NUSAP1: variants seen among roughly 807,000 people sequenced by gnomAD.
The protein encoded by NUSAP1 is nucleolar and spindle associated protein 1, also known as nucleolar and spindle-associated protein 1.
NUSAP1 carries 32 observed loss-of-function variants against 52.8 expected under a neutral mutation model. The ratio of observed to expected loss-of-function variants is 0.61; its 90% confidence interval spans 0.46 to 0.81. The LOEUF is 0.81. NUSAP1 is among the 40% of genes least tolerant of loss of function. NUSAP1 has a pLI of 0.00. For synonymous variants in NUSAP1, 195 were observed against 183.1 expected (o/e 1.06, Z -0.52); for missense variants, 499 against 522.3 (o/e 0.96, Z 0.43).
intron 1 of NUSAP1, among the ~76,000 whole-genome samples, chr15:41,336,102 A>G (rs540905204): frequency 6.6e-6 from 1 of 151,052 alleles, no homozygotes; most frequent in East Asian, 1.9e-4. Flanking sequence ...TATACTAAAA[A>G]TACAAAATTT....
At chr15:41,359,699 T>G (rs554208604) in intron 6 of NUSAP1, among the ~76,000 whole-genome samples, 25 of 151,958 alleles carry the variant, frequency 1.6e-4, no homozygotes, top group African/African-American at 6.0e-4. Flanking sequence ...TGGTACAGTC[T>G]CAGCTCACTG....
At position 41,356,062 on chromosome 15, in the gene NUSAP1, T is replaced by A; in HGVS notation, c.472T>A (p.Ser158Thr). The A allele has an allele frequency of 1.2e-6, 2 of 1,605,580 alleles. No homozygotes were observed. The highest frequency in any genetic ancestry group is 1.7e-6 in the Non-Finnish European group (2 of 1,174,536). ...SSGNRDSKVP[S>T]EGKKSLYTDE... The stretch of plus-strand genomic sequence containing the variant: ...AGGTAACAGAGATTCAAAGGTACCT[T>A]CAGAAGGAAAGAAATCTCTCTACAC... Residue 158 changes from serine to threonine, a missense_variant, in exon 5 of 11, where the codon TCA (serine) becomes ACA (threonine). Physicochemically the swap from Ser to Thr is moderately conservative, Grantham distance 58. Transcript: ENST00000559596.
chr15:41,357,634 G>A (rs2049021672), intron 5 of NUSAP1, among the ~76,000 whole-genome samples: 1 of 151,854 alleles, frequency 6.6e-6, no homozygotes. Flanking sequence ...AGTAGAGATG[G>A]GGTTTCTCCA....
chr15:41,357,965 A>T (rs573321116), intron 5 of NUSAP1, among the ~76,000 whole-genome samples, 184 bp from the exon 6 acceptor site: 2 of 152,304 alleles, frequency 1.3e-5, no homozygotes, highest in South Asian at 4.1e-4. Flanking sequence ...AGTTTATAAG[A>T]TGAATGTGCT....
At position 41,356,075 on chromosome 15, in the gene NUSAP1, A is replaced by C; in HGVS notation, c.485A>C (p.Lys162Thr). The part of the protein sequence containing the change: ...RDSKVPSEGK[K>T]SLYTDESSKP... ...TCAAAGGTACCTTCAGAAGGAAAGA[A>C]ATCTCTCTACACAGATGAGTCATCC... Residue 162 changes from lysine (K) to threonine (T), a missense_variant, in exon 5 of 11, where the codon AAA (lysine) becomes ACA (threonine). Coordinates refer to ENST00000559596, the MANE Select transcript of NUSAP1 (RefSeq NM_016359.5). 1 of 1,608,140 alleles carries C rather than the reference A, an allele frequency of 6.2e-7. No homozygotes were observed. The highest frequency in any genetic ancestry group is 8.5e-7 in the Non-Finnish European group (1 of 1,176,592).
At chr15:41,373,852 G>A (rs1345549322) in intron 8 of NUSAP1, among the ~76,000 whole-genome samples, 2 of 152,024 alleles carry the variant, frequency 1.3e-5, no homozygotes, top group Non-Finnish European at 2.9e-5. Flanking sequence ...ACAGGTGTGA[G>A]CCATATCTGT....
chr15:41,361,701 C>T (rs138293147), intron 6 of NUSAP1, among the ~76,000 whole-genome samples: 45 of 152,236 alleles, frequency 3.0e-4, no homozygotes, highest in South Asian at 1.2e-3. Context: ...GTTGAATAAA[C>T]GAATAGTTTA....
chr15:41,375,833 G>C lies in NUSAP1; in HGVS notation c.1123+5G>C, dbSNP rs770502812. 1.3e-5 allele frequency: 20 copies of C among 1,587,264 alleles called. No homozygotes were observed. The Admixed American group carries it at 2.7e-4, about 21-fold the overall frequency. On this transcript the variant is annotated splice_donor_5th_base_variant and intron_variant, in intron 9 of 10. Transcript: ENST00000559596. ...TCAACTATGAACCACACAAAGGTAT[G>C]TGGGAGTGTTTTGAGCTACAGGGCC...
chr15:41,339,499 C>T (rs1383485733), intron 1 of NUSAP1, among the ~76,000 whole-genome samples: 2 of 151,912 alleles, frequency 1.3e-5, no homozygotes, highest in Non-Finnish European at 2.9e-5. Context: ...CAACCTCCAC[C>T]TCCTGGATTC....
chr15:41,365,510 G>C lies in NUSAP1; in HGVS notation c.769G>C (p.Gly257Arg). 6.2e-7 allele frequency: 1 copy of C among 1,612,740 alleles called. No individual in the cohort carries two copies. The highest frequency in any genetic ancestry group is 8.5e-7 in the Non-Finnish European group (1 of 1,179,438). Residue 257 changes from glycine (G) to arginine (R), a missense_variant, in exon 7 of 11, where the codon GGC becomes CGC. By Grantham distance (125) the Gly-to-Arg change is moderately radical (BLOSUM62 -2). Coordinates refer to ENST00000559596, the MANE Select transcript of NUSAP1 (RefSeq NM_016359.5). ...SQRRSQGRSCGPASQSTLGLK... is the reference protein window; with the variant it reads ...SQRRSQGRSCRPASQSTLGLK... The stretch of plus-strand genomic sequence containing the variant: ...ACGACGCTCGCAAGGCCGGTCTTGT[G>C]GCCCTGCAAGTCAGAGTACCTTGGG...
intron 1 of NUSAP1, among the ~76,000 whole-genome samples, chr15:41,334,496 T>G (rs1226215073): frequency 6.6e-6 from 1 of 152,226 alleles, no homozygotes. Context: ...GGGATATTTC[T>G]GGGCTGTAGT....
At chr15:41,380,072 T>C (rs377569767) in intron 10 of NUSAP1, 21 bp from the exon 11 acceptor site, 1 of 1,545,850 alleles carries the variant, frequency 6.5e-7, no homozygotes, top group South Asian at 1.2e-5. Context: ...TAGAGCTTAA[T>C]GTGTGACCTA....
Position 41,362,119 on chromosome 15 carries a change from G to GT in NUSAP1, c.661-3282dup, listed in dbSNP as rs749836721. 1.1e-3 allele frequency among the ~76,000 whole-genome samples: 173 copies of GT among 152,236 alleles called. 1 individual carries two copies. The highest frequency in any genetic ancestry group is 1.5e-3 in the Non-Finnish European group (104 of 68,032). Reference sequence around the variant, plus strand: ...TATCCCACCTACTTGGGAGGCTGAGGTGGGAGGGTTGCTTGAGCCCAGGAG... The same window carrying GT: ...TATCCCACCTACTTGGGAGGCTGAGGTTGGGAGGGTTGCTTGAGCCCAGGAG... On this transcript the variant is annotated intron_variant, in intron 6 of 10. Coordinates refer to ENST00000559596, the MANE Select transcript of NUSAP1 (RefSeq NM_016359.5).
intron 3 of NUSAP1, chr15:41,349,542 T>C (rs1190186093): frequency 4.1e-6 from 1 of 245,102 alleles, no homozygotes; most frequent in African/African-American, 2.2e-5. Flanking sequence ...GAAACAAGCA[T>C]TAAATGTGTT....
At chr15:41,374,413 T>C (rs544796488) in intron 8 of NUSAP1, among the ~76,000 whole-genome samples, 180 of 152,276 alleles carry the variant, frequency 1.2e-3, no homozygotes, top group Admixed American at 1.9e-3. Context: ...TATAAGGCCC[T>C]GAATCCCATT....
rs75426159 is a variant in NUSAP1, at chr15:41,336,648, G to GTTTTTTTTTTTTTTTTTT, written c.93+3602_93+3619dup. Among the ~76,000 whole-genome samples the GTTTTTTTTTTTTTTTTTT allele has an allele frequency of 4.3e-4, 39 of 91,344 alleles. 1 individual carries two copies. The highest frequency in any genetic ancestry group is 1.4e-3 in the African/African-American group (36 of 24,952). 59.9% of individuals were successfully genotyped at this position (91,344 alleles called of 152,430 possible). A position where few individuals can be genotyped will look rare whatever the true frequency, so the allele number is the denominator to read the frequency against. On this transcript the variant is annotated intron_variant, in intron 1 of 10. Transcript: ENST00000559596. ...TGGGCATTTGATCCTCCTCCTTTTGGTTTTTTTTTTTTTTTTTTTTTGAGA... is the reference window on the plus strand; with the variant it reads ...TGGGCATTTGATCCTCCTCCTTTTGGTTTTTTTTTTTTTTTTTTTTTTTTTTTTTTTTTTTTTTTGAGA...
At chr15:41,373,936 T>G (rs1169320341) in intron 8 of NUSAP1, among the ~76,000 whole-genome samples, 4 of 152,214 alleles carry the variant, frequency 2.6e-5, no homozygotes, top group African/African-American at 9.6e-5. Context: ...GATCCTAGGA[T>G]CCCAGCACTT....
At chr15:41,341,249 A>G (rs2048356592) in intron 1 of NUSAP1, among the ~76,000 whole-genome samples, 1 of 151,984 alleles carries the variant, frequency 6.6e-6, no homozygotes, top group African/African-American at 2.4e-5. Flanking sequence ...TTTTTTTATT[A>G]GAGACGGGGT....
chr15:41,335,249 TA>T (rs1162919722), intron 1 of NUSAP1, among the ~76,000 whole-genome samples: 1 of 142,702 alleles, frequency 7.0e-6, no homozygotes, highest in East Asian at 2.0e-4. Context: ...TAATAAAATT[TA>T]TAATTTATAC....
Sources: allele counts gnomAD v4.1 joint callset (sites outside exome capture counted in the v4.1 genomes callset), GRCh38; gene constraint gnomAD v4.1.1; transcripts MANE v1.5; gene names NCBI Gene and HGNC (gene_info 2026-07-23, HGNC 2026-07-21).